ADAM17: variants seen among roughly 807,000 people sequenced by gnomAD.
The protein encoded by ADAM17 is disintegrin and metalloproteinase domain-containing protein 17.
In ADAM17, 39 loss-of-function variants were observed where a neutral mutation model predicts 96.7. The ratio of observed to expected loss-of-function variants is 0.40; its 90% CI spans 0.31 to 0.53. The LOEUF (loss-of-function observed/expected upper bound fraction) is 0.53, where lower values mean the gene tolerates loss of function less well. Ranked by LOEUF, ADAM17 falls within the 20% of genes least tolerant of loss-of-function variation. ADAM17 has a pLI of 0.44. For missense variants in ADAM17, 777 were observed against 1,013.2 expected (o/e 0.77, Z 3.17); for synonymous variants, 344 against 359.2 (o/e 0.96, Z 0.48).
intron 13 of ADAM17, 72 bp from the exon 14 acceptor site, chr2:9,497,320 CTG>C (rs2124977140): frequency 5.1e-6 from 8 of 1,578,674 alleles, no homozygotes; most frequent in Non-Finnish European, 6.0e-6. Flanking sequence ...GCATAATACG[CTG>C]TTTCTCATAC....
At chr2:9,507,163 T>C (rs1317791563) in intron 11 of ADAM17, 1 of 152,198 alleles carries the variant, frequency 6.6e-6, no homozygotes, top group Non-Finnish European at 1.5e-5. Context: ...TAAGCCCTTT[T>C]CATCAGTTAA....
At position 9,505,197 on chromosome 2, in the gene ADAM17, C is replaced by T. The variant is rs372967979; in HGVS notation, c.1513G>A (p.Asp505Asn). The change falls in exon 12 of 19, where the codon GAC becomes AAC. Residue 505 changes from aspartate (D) to asparagine (N), a missense_variant. By Grantham distance (23) the Asp-to-Asn change is conservative. This residue lies in a region of ADAM17 where 446 missense variants were observed against 664.7 expected (regional missense o/e 0.67). Transcript: ENST00000310823. ...TGGACACCTTCCTTCAACGTGCAGT[C>T]GCTGTTGCAGCAGGTGTCGTTGTTC... ...YLNNDTCCNSDCTLKEGVQCS... is the reference protein window; with the variant it reads ...YLNNDTCCNSNCTLKEGVQCS... 5 of 1,614,084 alleles carry T rather than the reference C, an allele frequency of 3.1e-6. No homozygotes were observed. The highest frequency in any genetic ancestry group is 4.2e-6 in the Non-Finnish European group (5 of 1,180,046).
intron 6 of ADAM17, among the ~76,000 whole-genome samples, chr2:9,525,147 T>C (rs929510716): frequency 7.9e-5 from 12 of 152,008 alleles, no homozygotes; most frequent in African/African-American, 2.7e-4. Context: ...ATTCACTTGA[T>C]ATGGGGCCGA....
At chr2:9,550,267 C>T (rs1342478873) in intron 1 of ADAM17, among the ~76,000 whole-genome samples, 1 of 151,980 alleles carries the variant, frequency 6.6e-6, no homozygotes, top group Non-Finnish European at 1.5e-5. Context: ...TGAGCTGCTT[C>T]AACTAATTCC....
intron 1 of ADAM17, among the ~76,000 whole-genome samples, chr2:9,544,914 C>G (rs555134165): frequency 6.6e-6 from 1 of 152,284 alleles, no homozygotes; most frequent in African/African-American, 2.4e-5. Flanking sequence ...TTGCACATAT[C>G]AGCACTCACA....
At position 9,495,028 on chromosome 2, in the gene ADAM17, TCTAA is replaced by T. The variant is rs1553357021; in HGVS notation, c.1784-265_1784-262del. ...CTAGATTCAAGACCTCTCTTCAAAG[TCTAA>T]CTATTCTCTCCCCTTCAAGCCCCTC... On this transcript the variant is annotated intron_variant, in intron 14 of 18. Coordinates refer to ENST00000310823, the MANE Select transcript of ADAM17 (RefSeq NM_003183.6). 2.0e-5 allele frequency among the ~76,000 whole-genome samples: 3 copies of T among 152,142 alleles called. 1 individual carries two copies. The highest frequency in any genetic ancestry group is 4.1e-4 in the South Asian group (2 of 4,824).
rs746635445 is a variant in ADAM17 at position 9,497,096 on chromosome 2, G to A, written c.1783+18C>T. On this transcript the variant is annotated intron_variant, in intron 14 of 18. Transcript: ENST00000310823. The stretch of plus-strand genomic sequence containing the variant: ...CCATGTTTTCTCCTGCTGCTGGACT[G>A]GGAATAAAACTGCTCACCATTACAT... 6 of 1,610,354 alleles carry A rather than the reference G, an allele frequency of 3.7e-6. No individual in the cohort carries two copies. The South Asian group carries it at 6.6e-5, about 18-fold the overall frequency.
chr2:9,533,928 C>T (rs1348831242), intron 4 of ADAM17, among the ~76,000 whole-genome samples: 1 of 152,224 alleles, frequency 6.6e-6, no homozygotes, highest in African/African-American at 2.4e-5. Context: ...CTGAAGCCCT[C>T]GCACAGCCTA....
At chr2:9,497,065 C>T in intron 14 of ADAM17, 49 bp downstream of exon 14, 1 of 1,595,894 alleles carries the variant, frequency 6.3e-7, no homozygotes, top group South Asian at 1.1e-5. Context: ...GCCTGGCAGA[C>T]AAAGGCCATG....
chr2:9,489,405 T>G lies in ADAM17; in HGVS notation c.*772A>C, dbSNP rs553628412. The G allele has an allele frequency of 4.0e-5, 6 of 149,800 alleles. No homozygotes were observed. The South Asian group carries it at 1.3e-3, about 32-fold the overall frequency. 9.3% of individuals were successfully genotyped at this position (149,800 alleles called of 1,614,324 possible). A position where few individuals can be genotyped will look rare whatever the true frequency, so the allele number is the denominator to read the frequency against. On this transcript the variant is annotated 3_prime_UTR_variant, in exon 19 of 19. Coordinates refer to ENST00000310823, the MANE Select transcript of ADAM17 (RefSeq NM_003183.6). Reference sequence around the variant, plus strand: ...GCCAATAGTGAATTTTCTAAGAGCATGTATCCCTATCAGTAACAGGGATAC... The same window carrying G: ...GCCAATAGTGAATTTTCTAAGAGCAGGTATCCCTATCAGTAACAGGGATAC...
intron 10 of ADAM17, among the ~76,000 whole-genome samples, chr2:9,514,518 A>AATATAAAT (rs1663933473): frequency 2.2e-5 from 2 of 89,854 alleles, no homozygotes; most frequent in African/African-American, 4.4e-5. Flanking sequence ...TTAAAATATA[A>AATATAAAT]ATATATATAT....
chr2:9,553,568 G>C (rs1232590424), intron 1 of ADAM17, among the ~76,000 whole-genome samples: 1 of 150,196 alleles, frequency 6.7e-6, no homozygotes, highest in Admixed American at 6.6e-5. Context: ...CCAGCTACTT[G>C]GGAGGCTGAG....
intron 13 of ADAM17, among the ~76,000 whole-genome samples, chr2:9,501,623 A>G (rs11676889): frequency 0.086 from 13,118 of 152,218 alleles, 627 homozygotes; most frequent in African/African-American, 0.12. Flanking sequence ...ACATATAGAA[A>G]AACTGGTTAC....
chr2:9,523,442 CA>C (rs757868484), intron 6 of ADAM17, 104 bp from the exon 7 acceptor site: 8 of 1,031,506 alleles, frequency 7.8e-6, no homozygotes, highest in African/African-American at 1.6e-5. Context: ...GTTTAGAGGC[CA>C]TTGCAAAAGT....
Position 9,504,853 on chromosome 2 carries a change from C to G in ADAM17, c.1544+313G>C, listed in dbSNP as rs1461554917. Among the ~76,000 whole-genome samples, 9 of 151,766 alleles carry G rather than the reference C, an allele frequency of 5.9e-5. No homozygotes were observed. The East Asian group carries it at 1.7e-3, about 29-fold the overall frequency. The stretch of plus-strand genomic sequence containing the variant: ...AAGGATTTTGTTACATAATGTCACA[C>G]TGCTTTCCAGAAAGCTTCTTCTTTT... On this transcript the variant is annotated intron_variant, in intron 12 of 18. Coordinates refer to ENST00000310823, the MANE Select transcript of ADAM17 (RefSeq NM_003183.6).
intron 12 of ADAM17, among the ~76,000 whole-genome samples, chr2:9,503,023 C>T (rs1275895556): frequency 6.6e-6 from 1 of 151,608 alleles, no homozygotes; most frequent in Non-Finnish European, 1.5e-5. Context: ...GCCTGTAATC[C>T]CAGCTACTCG....
At chr2:9,548,206 C>G (rs953619971) in intron 1 of ADAM17, among the ~76,000 whole-genome samples, 1 of 152,036 alleles carries the variant, frequency 6.6e-6, no homozygotes, top group Non-Finnish European at 1.5e-5. Context: ...GTAGCAGGTG[C>G]GTATAATCTC....
intron 11 of ADAM17, among the ~76,000 whole-genome samples, chr2:9,505,763 C>A (rs1021271899): frequency 1.3e-4 from 20 of 152,204 alleles, no homozygotes; most frequent in African/African-American, 4.8e-4. Flanking sequence ...GAATTAAGAA[C>A]CTCTGTAGGT....
intron 10 of ADAM17, among the ~76,000 whole-genome samples, chr2:9,514,403 T>G (rs1208045594): frequency 6.8e-6 from 1 of 146,202 alleles, no homozygotes; most frequent in African/African-American, 2.5e-5. Context: ...TTAGGAGATA[T>G]ACCTAATGTA....
Sources: allele counts gnomAD v4.1 joint callset (sites outside exome capture counted in the v4.1 genomes callset), GRCh38; gene constraint gnomAD v4.1.1; regional missense constraint gnomAD v4.1.1; transcripts MANE v1.5; gene names NCBI Gene and HGNC (gene_info 2026-07-23, HGNC 2026-07-21).